Variants in SLC22A23 observed in about 807,000 individuals in gnomAD.
The protein encoded by SLC22A23 is solute carrier family 22 member 23, also known as ion transporter protein.
SLC22A23 carries 26 observed loss-of-function variants against 61.0 expected under a neutral mutation model. The ratio of observed to expected loss-of-function variants is 0.43; its 90% confidence interval spans 0.31 to 0.59. SLC22A23 has a LOEUF of 0.59. SLC22A23 is among the 20% of genes least tolerant of loss of function. The probability of loss-of-function intolerance (pLI) is 0.11; values close to 1 mark genes in which losing one functional copy is unlikely to be tolerated. For missense variants in SLC22A23, 796 were observed against 934.7 expected (o/e 0.85, Z 1.94); for synonymous variants, 430 against 413.9 (o/e 1.04, Z -0.47).
At chr6:3,273,435 G>A (rs1159398579) in intron 9 of SLC22A23, 23 bp from the exon 10 acceptor site, 1 of 1,609,304 alleles carries the variant, frequency 6.2e-7, no homozygotes, top group African/African-American at 1.3e-5. Context: ...GGAAGCACAG[G>A]GATTGCTGCT....
intron 1 of SLC22A23, chr6:3,438,597 A>G (rs1207813913): frequency 2.3e-6 from 1 of 441,458 alleles, no homozygotes; most frequent in Non-Finnish European, 4.5e-6. Flanking sequence ...GGAAAAGGCT[A>G]GTTTGAATTA....
At chr6:3,395,134 C>T (rs1485878502) in intron 3 of SLC22A23, among the ~76,000 whole-genome samples, 2 of 152,202 alleles carry the variant, frequency 1.3e-5, no homozygotes, top group Non-Finnish European at 2.9e-5. Flanking sequence ...CGTATGCTCT[C>T]ATGTCAGTGA....
intron 9 of SLC22A23, among the ~76,000 whole-genome samples, chr6:3,277,808 A>C (rs1759050486): frequency 6.6e-6 from 1 of 152,248 alleles, no homozygotes; most frequent in South Asian, 2.1e-4. Context: ...TCAAGGTACA[A>C]GGTACAAATA....
chr6:3,297,000 A>C (rs140449656), intron 5 of SLC22A23, among the ~76,000 whole-genome samples: 29 of 152,248 alleles, frequency 1.9e-4, no homozygotes, highest in African/African-American at 6.7e-4. Context: ...CCCTGGAGCA[A>C]AGCTTCCGCA....
At chr6:3,424,767 T>C (rs1194553771) in intron 1 of SLC22A23, among the ~76,000 whole-genome samples, 1 of 152,254 alleles carries the variant, frequency 6.6e-6, no homozygotes, top group East Asian at 1.9e-4. Context: ...TTCATTCATA[T>C]ATTCATTTGC....
intron 3 of SLC22A23, among the ~76,000 whole-genome samples, chr6:3,396,457 G>A (rs574800847): frequency 2.0e-5 from 3 of 152,300 alleles, no homozygotes; most frequent in African/African-American, 7.2e-5. Flanking sequence ...GCTGAGGCAG[G>A]AGAATCACTT....
intron 1 of SLC22A23, among the ~76,000 whole-genome samples, chr6:3,439,580 C>T (rs1771455713): frequency 6.6e-6 from 1 of 152,222 alleles, no homozygotes; most frequent in Admixed American, 6.5e-5. Flanking sequence ...TTCAATAGCT[C>T]ACTGAAATGT....
At chr6:3,433,062 T>G (rs1347921603) in intron 1 of SLC22A23, among the ~76,000 whole-genome samples, 1 of 152,162 alleles carries the variant, frequency 6.6e-6, no homozygotes, top group Admixed American at 6.5e-5. Context: ...TGAGTTTCAC[T>G]CAAAAGGCTT....
At chr6:3,425,694 C>A (rs1281179512) in intron 1 of SLC22A23, among the ~76,000 whole-genome samples, 1 of 152,158 alleles carries the variant, frequency 6.6e-6, no homozygotes, top group Non-Finnish European at 1.5e-5. Flanking sequence ...AGGGACTCTG[C>A]CAGCTGCTTT....
intron 9 of SLC22A23, chr6:3,283,463 TTTG>T (rs1759670015): frequency 3.6e-6 from 1 of 276,352 alleles, no homozygotes; most frequent in Non-Finnish European, 7.2e-6. Flanking sequence ...CTCTTTCTAC[TTTG>T]TGAAACATTT....
At chr6:3,398,889 C>T (rs1768191251) in intron 3 of SLC22A23, among the ~76,000 whole-genome samples, 1 of 152,076 alleles carries the variant, frequency 6.6e-6, no homozygotes, top group Non-Finnish European at 1.5e-5. Context: ...AGTAGCCAGG[C>T]ACGGTGGTGC....
chr6:3,377,761 C>G (rs1766673638), intron 3 of SLC22A23: 1 of 152,516 alleles, frequency 6.6e-6, no homozygotes. Flanking sequence ...AGTGAGGAGA[C>G]TATTGACAAC....
At chr6:3,296,726 C>G (rs1004981592) in intron 5 of SLC22A23, among the ~76,000 whole-genome samples, 2 of 152,166 alleles carry the variant, frequency 1.3e-5, no homozygotes, top group Admixed American at 6.5e-5. Flanking sequence ...CCACCCCACC[C>G]AGCACGTGGT....
In SLC22A23 at chr6:3,280,512, T is replaced by TTTTTTTTTTTCC. The variant is rs781526188; in HGVS notation, c.1703+3339_1703+3340insGGAAAAAAAAAA. Among the ~76,000 whole-genome samples the TTTTTTTTTTTCC allele has an allele frequency of 1.6e-3, 161 of 98,314 alleles. 11 individuals are homozygous for TTTTTTTTTTTCC. The highest frequency in any genetic ancestry group is 5.5e-3 in the African/African-American group (155 of 28,080). 64.5% of individuals were successfully genotyped at this position (98,314 alleles called of 152,430 possible). On this transcript the variant is annotated intron_variant, in intron 9 of 9. Coordinates refer to ENST00000406686, the MANE Select transcript of SLC22A23 (RefSeq NM_015482.2). The stretch of plus-strand genomic sequence containing the variant: ...CAACTTTTTTTTTTTTTTTTTTTTT[T>TTTTTTTTTTTCC]TGAGATGGAGTCTCGCTCTGTCGCC...
At chr6:3,378,644 T>TC (rs1766741809) in intron 3 of SLC22A23, among the ~76,000 whole-genome samples, 1 of 135,958 alleles carries the variant, frequency 7.4e-6, no homozygotes, top group African/African-American at 3.0e-5. Context: ...ACTTTTTTTT[T>TC]CTTTTCTTTT....
chr6:3,293,276 A>AGAAGGGAT (rs1249776525), intron 5 of SLC22A23, among the ~76,000 whole-genome samples: 2 of 152,210 alleles, frequency 1.3e-5, no homozygotes, highest in African/African-American at 4.8e-5. Flanking sequence ...ATGAAAGGGA[A>AGAAGGGAT]GAAGGGATGC....
At chr6:3,379,721 T>C (rs994198388) in intron 3 of SLC22A23, among the ~76,000 whole-genome samples, 5 of 151,982 alleles carry the variant, frequency 3.3e-5, no homozygotes, top group Admixed American at 1.3e-4. Flanking sequence ...ACCTAAACCT[T>C]TGCAGCATGT....
At chr6:3,391,574 T>C (rs923533816) in intron 3 of SLC22A23, among the ~76,000 whole-genome samples, 1 of 152,182 alleles carries the variant, frequency 6.6e-6, no homozygotes, top group African/African-American at 2.4e-5. Flanking sequence ...AACTAGTATT[T>C]AGATACCCAT....
intron 4 of SLC22A23, among the ~76,000 whole-genome samples, chr6:3,310,504 G>A (rs114579174): frequency 0.024 from 3,665 of 152,270 alleles, 161 homozygotes; most frequent in African/African-American, 0.084. Flanking sequence ...TGTTGCTTGT[G>A]GTCCACATTC....
Sources: gnomAD v4.1 joint callset for allele counts (sites outside exome capture counted in the v4.1 genomes callset) on GRCh38, gnomAD v4.1.1 for gene constraint, MANE v1.5 for transcripts, NCBI Gene and HGNC (gene_info 2026-07-23, HGNC 2026-07-21) for gene names.